MACROD2: variants seen among roughly 807,000 people sequenced by gnomAD.
The protein encoded by MACROD2 is mono-ADP ribosylhydrolase 2, also known as ADP-ribose glycohydrolase MACROD2.
A neutral mutation model predicts 70.4 loss-of-function variants in MACROD2; 36 were observed. The ratio of observed to expected loss-of-function variants is 0.51; its 90% CI spans 0.39 to 0.68. The LOEUF (loss-of-function observed/expected upper bound fraction) is 0.68. Among genes scored for constraint, MACROD2 ranks in the 30% least tolerant of loss-of-function variants. The probability of loss-of-function intolerance (pLI) is 0.00; values close to 1 mark genes in which losing one functional copy is unlikely to be tolerated. For missense variants in MACROD2, 496 were observed against 538.4 expected, an observed-to-expected ratio of 0.92 and a Z score of 0.78; for synonymous variants, 172 against 178.8, an observed-to-expected ratio of 0.96 and a Z score of 0.30.
intron 8 of MACROD2, among the ~76,000 whole-genome samples, chr20:15,726,857 T>C (rs886405658): frequency 6.6e-6 from 1 of 152,140 alleles, no homozygotes; most frequent in African/African-American, 2.4e-5. Context: ...AGTTTACAAA[T>C]ATTTTTTCTG....
intron 5 of MACROD2, among the ~76,000 whole-genome samples, chr20:14,973,472 C>T (rs117426657): frequency 0.025 from 3,829 of 152,220 alleles, 81 homozygotes; most frequent in Non-Finnish European, 0.035. Context: ...ATCTGCCCAC[C>T]TCAGCCTCCC....
chr20:14,251,350 GT>G (rs2082011016), intron 3 of MACROD2, among the ~76,000 whole-genome samples: 1 of 152,028 alleles, frequency 6.6e-6, no homozygotes, highest in Admixed American at 6.6e-5. Context: ...TTAATGAATT[GT>G]TTGTATATTT....
intron 5 of MACROD2, among the ~76,000 whole-genome samples, chr20:14,916,280 T>C (rs990295001): frequency 6.6e-6 from 1 of 152,112 alleles, no homozygotes; most frequent in Non-Finnish European, 1.5e-5. Flanking sequence ...ACACTCCCTC[T>C]AGAATACAAG....
In MACROD2 at chr20:15,886,120, G is replaced by A. The variant is rs188229752; in HGVS notation, c.775+309G>A. Among the ~76,000 whole-genome samples, 31 of 152,178 alleles carry A rather than the reference G, an allele frequency of 2.0e-4. No homozygotes were observed. In the South Asian group the frequency reaches 3.3e-3, roughly 16 times the overall value. ...TAAGCTGAAAACAACCACTTCTTACGCTCATGAGCATAGCAGAGATAACTT... is the reference window on the plus strand; with the variant it reads ...TAAGCTGAAAACAACCACTTCTTACACTCATGAGCATAGCAGAGATAACTT... On this transcript the variant is annotated intron_variant, in intron 10 of 17. Transcript: ENST00000684519.
intron 5 of MACROD2, among the ~76,000 whole-genome samples, chr20:14,723,949 T>C (rs886797828): frequency 6.6e-6 from 1 of 152,142 alleles, no homozygotes; most frequent in African/African-American, 2.4e-5. Context: ...GAAAATTGTA[T>C]TCTGTTGTTT....
At chr20:15,774,293 G>C (rs2051684899) in intron 8 of MACROD2, among the ~76,000 whole-genome samples, 1 of 152,190 alleles carries the variant, frequency 6.6e-6, no homozygotes, top group African/African-American at 2.4e-5. Context: ...GTTCAAGAGA[G>C]TTATGTTAAT....
At chr20:15,072,712 A>C (rs1462628255) in intron 5 of MACROD2, among the ~76,000 whole-genome samples, 1 of 152,114 alleles carries the variant, frequency 6.6e-6, no homozygotes, top group Admixed American at 6.6e-5. Context: ...AGTACATGTC[A>C]TTTTACCTGG....
intron 5 of MACROD2, among the ~76,000 whole-genome samples, chr20:14,902,625 A>G (rs1246136788): frequency 6.6e-6 from 1 of 152,150 alleles, no homozygotes; most frequent in Non-Finnish European, 1.5e-5. Flanking sequence ...CAAAGAGCCA[A>G]TGTCCAAGAA....
intron 5 of MACROD2, among the ~76,000 whole-genome samples, chr20:15,193,286 CA>C (rs1368511503): frequency 6.6e-6 from 1 of 152,086 alleles, no homozygotes; most frequent in African/African-American, 2.4e-5. Context: ...CAGAAAGAGC[CA>C]TAGTTGCTTC....
At chr20:15,849,368 T>C (rs987430713) in intron 8 of MACROD2, among the ~76,000 whole-genome samples, 2 of 152,196 alleles carry the variant, frequency 1.3e-5, no homozygotes, top group African/African-American at 4.8e-5. Context: ...GTTAATGAGC[T>C]TCCTTTGAAC....
At chr20:14,449,796 C>T (rs939189813) in intron 3 of MACROD2, among the ~76,000 whole-genome samples, 2 of 152,102 alleles carry the variant, frequency 1.3e-5, no homozygotes, top group Non-Finnish European at 2.9e-5. Context: ...TAGTAGTTAT[C>T]AGAATCAGCA....
intron 8 of MACROD2, among the ~76,000 whole-genome samples, chr20:15,675,169 A>T (rs1398343247): frequency 2.0e-5 from 3 of 152,228 alleles, no homozygotes; most frequent in African/African-American, 7.2e-5. Flanking sequence ...CTTCCTTGCA[A>T]GTCCATGAAG....
At chr20:15,813,145 A>T (rs73097238) in intron 8 of MACROD2, among the ~76,000 whole-genome samples, 1 of 152,016 alleles carries the variant, frequency 6.6e-6, no homozygotes, top group Non-Finnish European at 1.5e-5. Context: ...ACCCCTCCCC[A>T]AAAAAAGCAC....
At chr20:15,712,586 ACT>A (rs1401821055) in intron 8 of MACROD2, among the ~76,000 whole-genome samples, 1 of 151,956 alleles carries the variant, frequency 6.6e-6, no homozygotes, top group Non-Finnish European at 1.5e-5. Flanking sequence ...GGAAACCCAA[ACT>A]CTCTATACTG....
At chr20:14,461,281 T>A (rs535517344) in intron 3 of MACROD2, among the ~76,000 whole-genome samples, 2 of 152,212 alleles carry the variant, frequency 1.3e-5, no homozygotes, top group African/African-American at 4.8e-5. Context: ...CGCCCCTTTA[T>A]CATTGTTTAT....
At chr20:14,230,368 A>G (rs1370895881) in intron 3 of MACROD2, among the ~76,000 whole-genome samples, 1 of 151,958 alleles carries the variant, frequency 6.6e-6, no homozygotes. Flanking sequence ...AGTCATTTCA[A>G]CAGTCTACAT....
intron 5 of MACROD2, among the ~76,000 whole-genome samples, chr20:15,153,750 A>G (rs1213377680): frequency 2.0e-5 from 3 of 152,134 alleles, no homozygotes; most frequent in East Asian, 1.9e-4. Context: ...TAGTGTCTCT[A>G]TTGGGTGAGT....
At chr20:14,105,114 C>T (rs1401792904) in intron 3 of MACROD2, among the ~76,000 whole-genome samples, 1 of 152,058 alleles carries the variant, frequency 6.6e-6, no homozygotes, top group African/African-American at 2.4e-5. Flanking sequence ...TGAATAGAAG[C>T]CCACACCATT....
At chr20:15,886,622 G>A (rs1841881313) in intron 10 of MACROD2, among the ~76,000 whole-genome samples, 1 of 152,006 alleles carries the variant, frequency 6.6e-6, no homozygotes, top group South Asian at 2.1e-4. Flanking sequence ...CCTCAACAAA[G>A]CCCACTTGTT....
Sources: allele counts gnomAD v4.1 joint callset (sites outside exome capture counted in the v4.1 genomes callset), GRCh38; gene constraint gnomAD v4.1.1; transcripts MANE v1.5; gene names NCBI Gene and HGNC (gene_info 2026-07-23, HGNC 2026-07-21).